The following FAT3 variants were observed in gnomAD, a reference collection of about 807,000 sequenced individuals.
The protein encoded by FAT3 is FAT atypical cadherin 3.
Under a neutral mutation model 310.2 loss-of-function variants are expected in FAT3, and 95 were observed. The ratio of observed to expected loss-of-function variants is 0.31; its 90% CI spans 0.26 to 0.36. FAT3 has a LOEUF of 0.36. Among genes scored for constraint, FAT3 ranks in the 10% least tolerant of loss-of-function variants. The pLI is 1.00. For synonymous variants in FAT3, 2,314 were observed against 2,192.9 expected (o/e 1.06, Z -1.54); for missense variants, 5,408 against 5,715.6 (o/e 0.95, Z 1.74).
chr11:92,591,665 C>T lies in FAT3; in HGVS notation c.3607+66717C>T, dbSNP rs547362988. Reference sequence around the variant, plus strand: ...GAATACCAAGTCAATTTTTGCTGAACTATAAGCATACCAGCTATTTTACAA... The same window carrying T: ...GAATACCAAGTCAATTTTTGCTGAATTATAAGCATACCAGCTATTTTACAA... On this transcript the variant is annotated intron_variant, in intron 3 of 27. Transcript: ENST00000525166. 2.0e-5 allele frequency among the ~76,000 whole-genome samples: 3 copies of T among 152,212 alleles called. No individual in the cohort carries two copies. In the South Asian group the frequency reaches 6.2e-4, roughly 32 times the overall value.
intron 13 of FAT3, among the ~76,000 whole-genome samples, chr11:92,813,186 G>T (rs1377839167): frequency 6.6e-6 from 1 of 152,126 alleles, no homozygotes; most frequent in Non-Finnish European, 1.5e-5. Flanking sequence ...TTTATTAGCA[G>T]CATGAGAACG....
chr11:92,227,252 C>G (rs1863959360), intron 1 of FAT3, among the ~76,000 whole-genome samples: 1 of 152,220 alleles, frequency 6.6e-6, no homozygotes, highest in South Asian at 2.1e-4. Flanking sequence ...CGACGCTAGT[C>G]TTTTCAAAGG....
intron 4 of FAT3, among the ~76,000 whole-genome samples, chr11:92,756,018 G>C (rs1235802936): frequency 1.3e-5 from 2 of 152,168 alleles, no homozygotes; most frequent in African/African-American, 4.8e-5. Flanking sequence ...GAACAAAATA[G>C]ATGAAAATTC....
chr11:92,384,277 T>C (rs1949568524), intron 2 of FAT3, among the ~76,000 whole-genome samples: 1 of 152,188 alleles, frequency 6.6e-6, no homozygotes, highest in South Asian at 2.1e-4. Flanking sequence ...CCCTCACTAC[T>C]GCTAAGAAGC....
intron 4 of FAT3, chr11:92,748,647 T>C (rs1016314230): frequency 6.6e-6 from 1 of 152,210 alleles, no homozygotes; most frequent in Non-Finnish European, 1.5e-5. Flanking sequence ...CAGAGACATG[T>C]GTTGAAGCAT....
intron 3 of FAT3, among the ~76,000 whole-genome samples, chr11:92,681,252 T>C (rs1020247271): frequency 3.3e-5 from 5 of 152,114 alleles, no homozygotes; most frequent in Non-Finnish European, 7.4e-5. Context: ...TTCAGACAGA[T>C]AGGGATGGAT....
chr11:92,469,071 G>A (rs1196029159), intron 2 of FAT3, among the ~76,000 whole-genome samples: 3 of 152,132 alleles, frequency 2.0e-5, no homozygotes, highest in Non-Finnish European at 4.4e-5. Context: ...TGGGTTCATT[G>A]TCTGTGAGGG....
intron 4 of FAT3, among the ~76,000 whole-genome samples, chr11:92,729,115 C>T (rs943223530): frequency 6.6e-6 from 1 of 152,138 alleles, no homozygotes; most frequent in African/African-American, 2.4e-5. Flanking sequence ...GTGATTTGTT[C>T]TATGTGTTTC....
chr11:92,606,383 C>G (rs575293870), intron 3 of FAT3, among the ~76,000 whole-genome samples: 1 of 152,226 alleles, frequency 6.6e-6, no homozygotes, highest in South Asian at 2.1e-4. Flanking sequence ...GCATGACCTT[C>G]TAGGAGAATG....
rs779925764 is a variant in FAT3 at position 92,524,963 on chromosome 11, A to G, written c.3607+15A>G. The G allele has an allele frequency of 1.9e-6, 3 of 1,602,810 alleles. No individual in the cohort carries two copies. In the East Asian group the frequency reaches 6.7e-5, roughly 36 times the overall value. On this transcript the variant is annotated intron_variant, in intron 3 of 27. Transcript: ENST00000525166. Reference sequence around the variant, plus strand: ...TATCAAAACAGGTAAGGGAATGCTTATATGACTTCTTTTTAGTTTGTAGTC... The same window carrying G: ...TATCAAAACAGGTAAGGGAATGCTTGTATGACTTCTTTTTAGTTTGTAGTC...
At chr11:92,832,392 A>C (rs1475006316) in intron 14 of FAT3, among the ~76,000 whole-genome samples, 1 of 151,764 alleles carries the variant, frequency 6.6e-6, no homozygotes, top group East Asian at 1.9e-4. Context: ...TCTCCCGAAA[A>C]CACTCTGCCA....
At chr11:92,723,098 T>C (rs1416813184) in intron 4 of FAT3, among the ~76,000 whole-genome samples, 1 of 152,172 alleles carries the variant, frequency 6.6e-6, no homozygotes, top group Non-Finnish European at 1.5e-5. Context: ...GGGATTTTCT[T>C]TTCTATTGCA....
chr11:92,401,170 A>C (rs1409618537), intron 2 of FAT3, among the ~76,000 whole-genome samples: 1 of 152,168 alleles, frequency 6.6e-6, no homozygotes, highest in Middle Eastern at 3.2e-3. Flanking sequence ...ATACTTTACT[A>C]GTTATTTTGA....
At chr11:92,603,994 A>G (rs1168863657) in intron 3 of FAT3, among the ~76,000 whole-genome samples, 2 of 152,326 alleles carry the variant, frequency 1.3e-5, no homozygotes, top group Admixed American at 6.5e-5. Context: ...TGTAATGTGC[A>G]CCATAATTTT....
chr11:92,293,116 T>C (rs894875086), intron 1 of FAT3, among the ~76,000 whole-genome samples: 7 of 151,428 alleles, frequency 4.6e-5, no homozygotes, highest in Non-Finnish European at 7.4e-5. Flanking sequence ...GAAGGCTGGC[T>C]CTCAATGACC....
At chr11:92,812,437 C>G (rs1947700705) in intron 13 of FAT3, among the ~76,000 whole-genome samples, 2 of 151,898 alleles carry the variant, frequency 1.3e-5, no homozygotes, top group South Asian at 4.2e-4. Flanking sequence ...AAAAATTAGC[C>G]AGGCATGGTG....
chr11:92,499,456 G>C (rs534965630), intron 2 of FAT3, among the ~76,000 whole-genome samples: 1 of 152,138 alleles, frequency 6.6e-6, no homozygotes, highest in South Asian at 2.1e-4. Context: ...AGTAGAGTAT[G>C]CCTTTAGTAT....
chr11:92,403,091 C>T (rs1299049951), intron 2 of FAT3: 1 of 152,202 alleles, frequency 6.6e-6, no homozygotes, highest in African/African-American at 2.4e-5. Context: ...TTGGTAGTAC[C>T]ATGGCCTCAG....
At chr11:92,825,397 G>A (rs1948076761) in intron 13 of FAT3, among the ~76,000 whole-genome samples, 1 of 152,064 alleles carries the variant, frequency 6.6e-6, no homozygotes, top group Non-Finnish European at 1.5e-5. Context: ...AAAAAATAGA[G>A]GCAAAAATAA....
Sources: allele counts gnomAD v4.1 joint callset (sites outside exome capture counted in the v4.1 genomes callset), GRCh38; gene constraint gnomAD v4.1.1; transcripts MANE v1.5; gene names NCBI Gene and HGNC (gene_info 2026-07-23, HGNC 2026-07-21).